SMYD3: variants seen among roughly 807,000 people sequenced by gnomAD.
SMYD3 encodes histone-lysine N-methyltransferase SMYD3.
In SMYD3, 36 loss-of-function variants were observed where a neutral mutation model predicts 57.7. That is an observed-to-expected ratio of 0.62 (90% CI 0.48 to 0.82). SMYD3 has a LOEUF of 0.82. Ranked by LOEUF, SMYD3 falls within the 40% of genes least tolerant of loss-of-function variation. SMYD3 has a pLI of 0.00. For synonymous variants in SMYD3, 211 were observed against 195.0 expected (o/e 1.08, Z -0.68); for missense variants, 515 against 538.8 (o/e 0.96, Z 0.44).
intron 1 of SMYD3, among the ~76,000 whole-genome samples, chr1:246,443,662 C>T (rs1284054158): frequency 6.6e-6 from 1 of 152,172 alleles, no homozygotes; most frequent in Non-Finnish European, 1.5e-5. Flanking sequence ...TTCACTTGTA[C>T]ATTTCCTAAA....
chr1:245,759,150 C>CT (rs975013885), intron 11 of SMYD3, among the ~76,000 whole-genome samples: 1 of 152,126 alleles, frequency 6.6e-6, no homozygotes, highest in African/African-American at 2.4e-5. Context: ...TATCTTTTCT[C>CT]TTTTTTGGTT....
rs139610018 is a variant in SMYD3, at chr1:246,333,758, C to T, written c.336+1609G>A. ...AAAACTAGCGGGGCGTGGTGGCATG[C>T]ACCTGTGGTCCCAGCTACTCGGGAA... On this transcript the variant is annotated intron_variant, in intron 3 of 11. Coordinates refer to ENST00000490107, the MANE Select transcript of SMYD3 (RefSeq NM_001167740.2). Among the ~76,000 whole-genome samples, 279 of 151,808 alleles carry T rather than the reference C, an allele frequency of 1.8e-3. 2 individuals carry two copies. Among genetic ancestry groups the T allele is most frequent in the African/African-American group, 6.4e-3 (266 of 41,386 alleles).
chr1:246,253,875 C>T (rs10737788), intron 5 of SMYD3, among the ~76,000 whole-genome samples: 31,567 of 152,076 alleles, frequency 0.21, 3,996 homozygotes, highest in East Asian at 0.58. Context: ...ATTAATGGGA[C>T]TGCTGGATCG....
At chr1:246,232,316 C>G (rs910102040) in intron 5 of SMYD3, among the ~76,000 whole-genome samples, 3 of 152,154 alleles carry the variant, frequency 2.0e-5, no homozygotes, top group African/African-American at 7.2e-5. Context: ...TAAAATAAAG[C>G]CCTGTAGTCC....
chr1:245,828,030 G>A (rs2049604390), intron 10 of SMYD3, among the ~76,000 whole-genome samples: 1 of 152,100 alleles, frequency 6.6e-6, no homozygotes, highest in African/African-American at 2.4e-5. Context: ...AGATATGAAA[G>A]TACTACCTTT....
chr1:246,130,910 A>C (rs2061577535), intron 5 of SMYD3, among the ~76,000 whole-genome samples: 1 of 152,160 alleles, frequency 6.6e-6, no homozygotes, highest in South Asian at 2.1e-4. Context: ...AATAACGTCC[A>C]AACTTCATAC....
At chr1:246,008,395 A>G (rs2059214981) in intron 5 of SMYD3, among the ~76,000 whole-genome samples, 4 of 152,202 alleles carry the variant, frequency 2.6e-5, no homozygotes. Flanking sequence ...CCTCACTGAA[A>G]GCAGAACTCC....
chr1:245,961,619 C>A (rs1218964907), intron 5 of SMYD3, among the ~76,000 whole-genome samples: 2 of 152,016 alleles, frequency 1.3e-5, no homozygotes, highest in Non-Finnish European at 2.9e-5. Flanking sequence ...CATATAATTC[C>A]ATTTTTTTTC....
intron 10 of SMYD3, among the ~76,000 whole-genome samples, chr1:245,779,569 AGCTCAAATT>A (rs1207065184): frequency 6.6e-6 from 1 of 152,100 alleles, no homozygotes. Flanking sequence ...CCCTACTTAG[AGCTCAAATT>A]ACTCAAATTA....
intron 5 of SMYD3, among the ~76,000 whole-genome samples, chr1:246,204,252 C>T (rs1488954748): frequency 6.6e-6 from 1 of 152,148 alleles, no homozygotes; most frequent in Non-Finnish European, 1.5e-5. Context: ...AATTTACTTT[C>T]CCCATTTCCT....
chr1:246,294,463 T>C (rs1186232325), intron 5 of SMYD3, among the ~76,000 whole-genome samples: 4 of 152,238 alleles, frequency 2.6e-5, no homozygotes, highest in South Asian at 2.1e-4. Context: ...GTGCCTGCTA[T>C]GTGTCAGCAC....
chr1:245,900,556 C>T (rs2054116237), intron 8 of SMYD3, among the ~76,000 whole-genome samples: 1 of 152,144 alleles, frequency 6.6e-6, no homozygotes, highest in African/African-American at 2.4e-5. Flanking sequence ...ATCTATGAGT[C>T]GCTGCTGTCA....
At chr1:245,885,981 T>G (rs1478653913) in intron 8 of SMYD3, among the ~76,000 whole-genome samples, 1 of 152,222 alleles carries the variant, frequency 6.6e-6, no homozygotes, top group African/African-American at 2.4e-5. Flanking sequence ...TTAACATGTT[T>G]TTATTTCAGT....
intron 5 of SMYD3, among the ~76,000 whole-genome samples, chr1:245,939,620 C>T (rs1029782273): frequency 3.1e-5 from 4 of 127,760 alleles, no homozygotes; most frequent in Admixed American, 9.4e-5. Flanking sequence ...AGCAAGACTC[C>T]GTCTCAGGAA....
At chr1:246,241,319 C>T (rs1432402861) in intron 5 of SMYD3, among the ~76,000 whole-genome samples, 1 of 152,104 alleles carries the variant, frequency 6.6e-6, no homozygotes, top group East Asian at 1.9e-4. Context: ...TGAATTTTGT[C>T]GAAGGCCTTT....
At chr1:245,993,786 G>C (rs1191039689) in intron 5 of SMYD3, among the ~76,000 whole-genome samples, 4 of 152,150 alleles carry the variant, frequency 2.6e-5, no homozygotes, top group Admixed American at 1.3e-4. Context: ...TTGAATTTTA[G>C]TTTGAGATAT....
intron 10 of SMYD3, among the ~76,000 whole-genome samples, chr1:245,793,094 A>T (rs11579429): frequency 6.9e-6 from 1 of 145,898 alleles, no homozygotes; most frequent in Non-Finnish European, 1.5e-5. Flanking sequence ...GTGATCACGA[A>T]ATCAGGAGAT....
intron 5 of SMYD3, among the ~76,000 whole-genome samples, chr1:246,032,403 T>C (rs2059693938): frequency 6.6e-6 from 1 of 152,200 alleles, no homozygotes; most frequent in African/African-American, 2.4e-5. Context: ...AACACACCAA[T>C]AATTGATAGT....
intron 5 of SMYD3, among the ~76,000 whole-genome samples, chr1:246,323,198 A>G (rs997826190): frequency 6.6e-6 from 1 of 152,320 alleles, no homozygotes; most frequent in East Asian, 1.9e-4. Flanking sequence ...CAACAAATTC[A>G]TAAGTGGACA....
Sources: gnomAD v4.1 joint callset for allele counts (sites outside exome capture counted in the v4.1 genomes callset) on GRCh38, gnomAD v4.1.1 for gene constraint, MANE v1.5 for transcripts, NCBI Gene and HGNC (gene_info 2026-07-23, HGNC 2026-07-21) for gene names.